The following ATP2B2 variants were observed in gnomAD, a reference collection of about 807,000 sequenced individuals.
The protein encoded by ATP2B2 is plasma membrane calcium-transporting ATPase 2.
A neutral mutation model predicts 120.0 loss-of-function variants in ATP2B2; 15 were observed. The ratio of observed to expected loss-of-function variants is 0.12; its 90% CI spans 0.08 to 0.19. ATP2B2 has a LOEUF of 0.19. Among genes scored for constraint, ATP2B2 ranks in the 10% least tolerant of loss-of-function variants. The probability of loss-of-function intolerance (pLI) is 1.00; values close to 1 mark genes in which losing one functional copy is unlikely to be tolerated. For missense variants in ATP2B2, 1,045 were observed against 1,719.8 expected (o/e 0.61, Z 6.94); for synonymous variants, 694 against 700.3 (o/e 0.99, Z 0.14).
At position 10,329,048 on chromosome 3, in the gene ATP2B2, G is replaced by A; in HGVS notation, c.3498C>T (p.Asn1166=). 1 of 1,614,080 alleles carries A rather than the reference G, an allele frequency of 6.2e-7. No homozygotes were observed. The highest frequency in any genetic ancestry group is 1.6e-4 in the Middle Eastern group (1 of 6,062). Residue 1166 remains asparagine (N), a synonymous_variant, in exon 23 of 23, where the codon AAC becomes AAT. Transcript: ENST00000360273. This position sits in a 1 kb window ranked among gnomAD's most constrained non-coding sequence, Gnocchi z 5.9. ...TCCGGAATTCAGGATGAGCCATGAA[G>A]TTATGGATGGAGGTTCGAGATTCAG... ...EKPESRTSIH[N]FMAHPEFRIE...
chr3:10,587,265 C>A (rs1374780457), intron 2 of ATP2B2, among the ~76,000 whole-genome samples: 2 of 151,530 alleles, frequency 1.3e-5, no homozygotes, highest in Non-Finnish European at 2.9e-5. Flanking sequence ...TGATCATACC[C>A]CTGCACTCCA....
intron 14 of ATP2B2, among the ~76,000 whole-genome samples, chr3:10,352,632 C>T (rs3774187): frequency 0.33 from 50,360 of 151,746 alleles, 9,644 homozygotes; most frequent in South Asian, 0.53. Context: ...GTTTGGGGGC[C>T]ACGTGAGCAA....
At chr3:10,490,240 C>T (rs751629594) in intron 1 of ATP2B2, among the ~76,000 whole-genome samples, 4 of 152,230 alleles carry the variant, frequency 2.6e-5, no homozygotes, top group East Asian at 1.9e-4. Flanking sequence ...CTTGACCTCA[C>T]GGTCAAACCA....
chr3:10,394,498 C>T (rs1575108238), intron 5 of ATP2B2: 1 of 471,270 alleles, frequency 2.1e-6, no homozygotes, highest in South Asian at 1.6e-5. Context: ...AACCCGTGCT[C>T]TATCCACTAC....
chr3:10,385,159 C>T, intron 8 of ATP2B2, 109 bp downstream of exon 8: 1 of 1,126,930 alleles, frequency 8.9e-7, no homozygotes, highest in Non-Finnish European at 1.3e-6. Context: ...GCGGCCCATG[C>T]ACATCCGAGA....
chr3:10,355,844 C>T (rs1458375192), intron 14 of ATP2B2, among the ~76,000 whole-genome samples: 1 of 30,800 alleles, frequency 3.2e-5, no homozygotes, highest in Admixed American at 5.2e-4. Context: ...GAGGCCGAGG[C>T]GGGCGGATCA....
At chr3:10,401,485 G>A (rs917295597) in intron 4 of ATP2B2, among the ~76,000 whole-genome samples, 12 of 152,150 alleles carry the variant, frequency 7.9e-5, no homozygotes, top group African/African-American at 1.4e-4. Context: ...AAGTCACATC[G>A]TCAAGGGGAT....
intron 2 of ATP2B2, among the ~76,000 whole-genome samples, chr3:10,592,106 G>T (rs1043844931): frequency 6.6e-6 from 1 of 152,150 alleles, no homozygotes; most frequent in Non-Finnish European, 1.5e-5. Context: ...TCACAGATAT[G>T]GAGAACAGCC....
intron 2 of ATP2B2, among the ~76,000 whole-genome samples, chr3:10,432,322 C>G (rs1480423759): frequency 6.6e-6 from 1 of 152,186 alleles, no homozygotes; most frequent in Non-Finnish European, 1.5e-5. Flanking sequence ...GGCGAGATCT[C>G]CATCAGCCTC....
intron 2 of ATP2B2, among the ~76,000 whole-genome samples, chr3:10,577,989 C>T (rs562735178): frequency 1.3e-5 from 2 of 152,156 alleles, no homozygotes; most frequent in African/African-American, 4.8e-5. Flanking sequence ...GACACAGTCC[C>T]GAAATCCAGA....
chr3:10,565,038 G>T (rs149195531), intron 2 of ATP2B2, among the ~76,000 whole-genome samples: 44 of 152,262 alleles, frequency 2.9e-4, no homozygotes, highest in African/African-American at 9.4e-4. Context: ...AACACTGGGG[G>T]GTGTGTGTCT....
At chr3:10,617,599 T>C (rs950735073) in intron 2 of ATP2B2, among the ~76,000 whole-genome samples, 2 of 152,214 alleles carry the variant, frequency 1.3e-5, no homozygotes, top group South Asian at 2.1e-4. Flanking sequence ...AGGCCATGCA[T>C]AGCTTGAGAA....
At chr3:10,636,767 C>T (rs74635145) in intron 1 of ATP2B2, among the ~76,000 whole-genome samples, 5,042 of 152,096 alleles carry the variant, frequency 0.033, 269 homozygotes, top group African/African-American at 0.11. Context: ...AGGTGGAGCC[C>T]GGTGGACTCT....
rs574944209 is a variant in ATP2B2 at position 10,326,682 on chromosome 3, T to G, written c.*2132A>C. 2.5e-6 allele frequency: 1 copy of G among 399,082 alleles called. No homozygotes were observed. Among genetic ancestry groups the G allele is most frequent in the Admixed American group, 4.4e-5 (1 of 22,744 alleles). 24.7% of individuals were successfully genotyped at this position (399,082 alleles called of 1,614,324 possible). ...GCTGGTCACCCCTTTGGTTATGCAG[T>G]TCCTCTCCTGGATACATTCAGAGAT... On this transcript the variant is annotated 3_prime_UTR_variant, in exon 23 of 23. Transcript: ENST00000360273.
intron 1 of ATP2B2, among the ~76,000 whole-genome samples, chr3:10,630,197 G>A (rs1374611585): frequency 6.6e-6 from 1 of 152,094 alleles, no homozygotes; most frequent in African/African-American, 2.4e-5. Context: ...AGGAGTACAT[G>A]TGCATGTTTG....
intron 1 of ATP2B2, among the ~76,000 whole-genome samples, chr3:10,641,857 C>T (rs1173655781): frequency 6.6e-6 from 1 of 152,130 alleles, no homozygotes; most frequent in Non-Finnish European, 1.5e-5. Context: ...CAACCATCCA[C>T]CTACCCACTC....
chr3:10,655,889 T>G (rs533134317), intron 1 of ATP2B2, among the ~76,000 whole-genome samples: 66 of 152,346 alleles, frequency 4.3e-4, no homozygotes, highest in African/African-American at 1.4e-3. Flanking sequence ...TCCTTCTTCA[T>G]CGATGCTTTA....
At chr3:10,578,139 C>T (rs866365848) in intron 2 of ATP2B2, among the ~76,000 whole-genome samples, 1 of 152,042 alleles carries the variant, frequency 6.6e-6, no homozygotes, top group Non-Finnish European at 1.5e-5. Context: ...ACCATAGTGG[C>T]GAAACCTATA....
At chr3:10,674,733 G>C (rs1010300035) in intron 1 of ATP2B2, among the ~76,000 whole-genome samples, 1 of 152,062 alleles carries the variant, frequency 6.6e-6, no homozygotes, top group Non-Finnish European at 1.5e-5. Flanking sequence ...CTTTGTTCTT[G>C]AGCCATTTGA....
Sources: gnomAD v4.1 joint callset for allele counts (sites outside exome capture counted in the v4.1 genomes callset) on GRCh38, gnomAD v4.1.1 for gene constraint, Gnocchi (gnomAD v3.1) non-coding constraint, MANE v1.5 for transcripts, NCBI Gene and HGNC (gene_info 2026-07-23, HGNC 2026-07-21) for gene names.